The following MTX2 variants were observed in gnomAD, a reference collection of about 807,000 sequenced individuals.
MTX2 encodes the protein metaxin-2.
A neutral mutation model predicts 42.3 loss-of-function variants in MTX2; 35 were observed. The ratio of observed to expected loss-of-function variants is 0.83; its 90% CI spans 0.63 to 1.10. The LOEUF (loss-of-function observed/expected upper bound fraction) is 1.10, where lower values mean the gene tolerates loss of function less well. MTX2 is among the 50% of genes least tolerant of loss of function. The pLI, the probability that MTX2 is intolerant of heterozygous loss-of-function variation, is 0.00. For missense variants in MTX2, 307 were observed against 304.1 expected, an observed-to-expected ratio of 1.01 and a Z score of -0.07; for synonymous variants, 119 against 100.9, an observed-to-expected ratio of 1.18 and a Z score of -1.08.
intron 3 of MTX2, 23 bp from the exon 4 acceptor site, chr2:176,323,369 A>G: frequency 3.1e-6 from 5 of 1,595,744 alleles, no homozygotes; most frequent in Non-Finnish European, 4.3e-6. Flanking sequence ...TACTGGGCTT[A>G]TTGTATGTAT....
chr2:176,320,259 A>C (rs1205829518), intron 3 of MTX2, among the ~76,000 whole-genome samples: 2 of 152,068 alleles, frequency 1.3e-5, no homozygotes, highest in East Asian at 3.9e-4. Context: ...AAAAAAAAAG[A>C]AGCATAGGTT....
chr2:176,269,704 G>A, intron 1 of MTX2, 35 bp downstream of exon 1: 1 of 1,579,082 alleles, frequency 6.3e-7, no homozygotes, highest in African/African-American at 1.4e-5. Context: ...GAAGGTGGCG[G>A]CGCGGTCTCG....
At chr2:176,318,597 C>T (rs963649703) in intron 3 of MTX2, among the ~76,000 whole-genome samples, 8 of 152,132 alleles carry the variant, frequency 5.3e-5, no homozygotes, top group African/African-American at 1.7e-4. Context: ...TTTATATTCT[C>T]TCAGAAATTG....
chr2:176,280,116 T>G lies in MTX2; in HGVS notation c.40+10447T>G, dbSNP rs1285675353. On this transcript the variant is annotated intron_variant, in intron 1 of 9. Transcript: ENST00000249442. ...TTAGGTCAGTTTTTAAAGATGGATG[T>G]AAGCCATTCTAGTCACTGGGTACCA... Among the ~76,000 whole-genome samples, 6 of 152,196 alleles carry G rather than the reference T, an allele frequency of 3.9e-5. No individual in the cohort carries two copies. The East Asian group carries it at 9.6e-4, about 24-fold the overall frequency.
At chr2:176,309,720 C>CTTTTTTT (rs745705028) in intron 3 of MTX2, among the ~76,000 whole-genome samples, 2 of 98,552 alleles carry the variant, frequency 2.0e-5, no homozygotes, top group African/African-American at 9.1e-5. Context: ...GCAACCTCTG[C>CTTTTTTT]TTTTTTTTTT....
chr2:176,322,518 T>C (rs1684609357), intron 3 of MTX2, among the ~76,000 whole-genome samples: 1 of 152,044 alleles, frequency 6.6e-6, no homozygotes, highest in Admixed American at 6.6e-5. Context: ...AATAACATAG[T>C]AAATTTTGTG....
chr2:176,310,298 G>A (rs909677496), intron 3 of MTX2, among the ~76,000 whole-genome samples: 13 of 152,140 alleles, frequency 8.5e-5, no homozygotes, highest in South Asian at 2.1e-4. Context: ...GCCTCCCTTT[G>A]TGGGTAACTC....
intron 3 of MTX2, among the ~76,000 whole-genome samples, chr2:176,308,361 C>A (rs1333104489): frequency 6.6e-6 from 1 of 152,114 alleles, no homozygotes; most frequent in African/African-American, 2.4e-5. Flanking sequence ...GTCTAAAATT[C>A]TCTTTTTTTG....
At chr2:176,320,952 C>G (rs1684571163) in intron 3 of MTX2, among the ~76,000 whole-genome samples, 1 of 152,038 alleles carries the variant, frequency 6.6e-6, no homozygotes, top group African/African-American at 2.4e-5. Flanking sequence ...TTGCCTTGGC[C>G]TCCTCAAAAG....
intron 3 of MTX2, among the ~76,000 whole-genome samples, chr2:176,322,094 G>A (rs965117917): frequency 1.3e-5 from 2 of 152,120 alleles, no homozygotes; most frequent in African/African-American, 2.4e-5. Flanking sequence ...ATCAGAGGAT[G>A]CAATTAGTGG....
intron 1 of MTX2, among the ~76,000 whole-genome samples, chr2:176,293,967 G>C: frequency 6.6e-6 from 1 of 152,094 alleles, no homozygotes; most frequent in African/African-American, 2.4e-5. Context: ...CAGTCTACTT[G>C]CCTTCTCTTT....
At chr2:176,314,203 A>G (rs2105431200) in intron 3 of MTX2, among the ~76,000 whole-genome samples, 1 of 152,292 alleles carries the variant, frequency 6.6e-6, no homozygotes, top group Middle Eastern at 3.4e-3. Context: ...TTGGAATGTA[A>G]GACGGGCAGA....
At chr2:176,276,955 TGGTC>T (rs1426929317) in intron 1 of MTX2, among the ~76,000 whole-genome samples, 2 of 152,144 alleles carry the variant, frequency 1.3e-5, no homozygotes, top group African/African-American at 2.4e-5. Context: ...GAAAAAAGAA[TGGTC>T]GGAATATTCC....
chr2:176,286,550 C>CTTT (rs553282400), intron 1 of MTX2, among the ~76,000 whole-genome samples: 1 of 142,218 alleles, frequency 7.0e-6, no homozygotes, highest in Admixed American at 7.0e-5. Context: ...CACTCTGAGT[C>CTTT]TTTTTTTTTT....
At chr2:176,274,600 TG>T in intron 1 of MTX2, among the ~76,000 whole-genome samples, 1 of 152,184 alleles carries the variant, frequency 6.6e-6, no homozygotes, top group Non-Finnish European at 1.5e-5. Flanking sequence ...GGCAAAGAAT[TG>T]GCTCTTAATG....
chr2:176,296,167 C>A (rs1683871360), intron 1 of MTX2, among the ~76,000 whole-genome samples: 1 of 152,102 alleles, frequency 6.6e-6, no homozygotes, highest in African/African-American at 2.4e-5. Context: ...GATTAAGGGT[C>A]AAGTCAAGTT....
chr2:176,293,823 A>C (rs1262728396), intron 1 of MTX2, among the ~76,000 whole-genome samples: 1 of 152,210 alleles, frequency 6.6e-6, no homozygotes. Context: ...GATGCACTTA[A>C]GTCAGTGATA....
In MTX2 at chr2:176,330,633, G is replaced by T; in HGVS notation, c.593G>T (p.Gly198Val). The change falls in exon 9 of 10, where the codon GGA becomes GTA. Residue 198 changes from glycine to valine, a missense_variant. Coordinates refer to ENST00000249442, the MANE Select transcript of MTX2 (RefSeq NM_006554.5). ...QCCQALSQRLGTQPYFFNKQP... is the reference protein window; with the variant it reads ...QCCQALSQRLVTQPYFFNKQP... ...TGTCAAGCTCTCTCTCAAAGACTGGGAACACAACCGTATTTCTTCAATAAG... is the reference window on the plus strand; with the variant it reads ...TGTCAAGCTCTCTCTCAAAGACTGGTAACACAACCGTATTTCTTCAATAAG... 6.3e-7 allele frequency: 1 copy of T among 1,593,760 alleles called. No homozygotes were observed. The highest frequency in any genetic ancestry group is 8.6e-7 in the Non-Finnish European group (1 of 1,166,674).
rs575584153 is a variant in MTX2, at chr2:176,276,170, A to G, written c.40+6501A>G. 5.9e-5 allele frequency among the ~76,000 whole-genome samples: 9 copies of G among 152,366 alleles called. No individual in the cohort carries two copies. The South Asian group carries it at 8.3e-4, about 14-fold the overall frequency. On this transcript the variant is annotated intron_variant, in intron 1 of 9. Coordinates refer to ENST00000249442, the MANE Select transcript of MTX2 (RefSeq NM_006554.5). ...TAATTCAATAATATGAAGTATCTAC[A>G]TACAGTTATTGCAGTTATTAAAATT...
Sources: allele counts gnomAD v4.1 joint callset (sites outside exome capture counted in the v4.1 genomes callset), GRCh38; gene constraint gnomAD v4.1.1; transcripts MANE v1.5; gene names NCBI Gene and HGNC (gene_info 2026-07-23, HGNC 2026-07-21).